PIWIL3: variants seen among roughly 807,000 people sequenced by gnomAD.
PIWIL3 encodes the protein piwi like RNA-mediated gene silencing 3, also known as piwi-like protein 3.
PIWIL3 carries 101 observed loss-of-function variants against 109.7 expected under a neutral mutation model. The observed-to-expected ratio is 0.92, with a 90% CI of 0.78 to 1.09. The LOEUF (loss-of-function observed/expected upper bound fraction) is 1.09, where lower values mean the gene tolerates loss of function less well. Among genes scored for constraint, PIWIL3 ranks in the 50% least tolerant of loss-of-function variants. PIWIL3 has a pLI of 0.00. For synonymous variants in PIWIL3, 373 were observed against 376.4 expected (o/e 0.99, Z 0.10); for missense variants, 1,031 against 1,072.6 (o/e 0.96, Z 0.54).
At chr22:24,721,069 C>G (rs1922646884) in intron 19 of PIWIL3, among the ~76,000 whole-genome samples, 1 of 152,124 alleles carries the variant, frequency 6.6e-6, no homozygotes, top group South Asian at 2.1e-4. Flanking sequence ...TTTCCTTCTT[C>G]CTGAAATACA....
At chr22:24,769,993 C>CA (rs906593829) in intron 1 of PIWIL3, among the ~76,000 whole-genome samples, 33 of 151,654 alleles carry the variant, frequency 2.2e-4, no homozygotes, top group Non-Finnish European at 3.5e-4. Context: ...AGGATAATGA[C>CA]AAAAAAAAGT....
chr22:24,744,339 G>A (rs956757744), intron 12 of PIWIL3, among the ~76,000 whole-genome samples: 22 of 151,996 alleles, frequency 1.4e-4, no homozygotes, highest in African/African-American at 4.6e-4. Flanking sequence ...TTGGGAAGCC[G>A]AGGCAGGTGA....
At chr22:24,754,648 T>A in intron 7 of PIWIL3, 136 bp downstream of exon 7, 2 of 653,308 alleles carry the variant, frequency 3.1e-6, no homozygotes, top group Non-Finnish European at 5.3e-6. Flanking sequence ...TTACACTAAA[T>A]TGTTCATGGT....
At chr22:24,770,234 C>A (rs1033714643) in intron 1 of PIWIL3, among the ~76,000 whole-genome samples, 6 of 152,324 alleles carry the variant, frequency 3.9e-5, no homozygotes, top group Admixed American at 3.9e-4. Flanking sequence ...AGACTCAAAC[C>A]CGTCAGTTTT....
chr22:24,757,079 CAAAAAAAAAA>C (rs71189275), intron 4 of PIWIL3, among the ~76,000 whole-genome samples: 1 of 91,738 alleles, frequency 1.1e-5, no homozygotes, highest in Non-Finnish European at 2.1e-5. Flanking sequence ...AACTCCGTCT[CAAAAAAAAAA>C]AAAAAAAAAA....
At chr22:24,733,742 G>T (rs1217246990) in intron 14 of PIWIL3, among the ~76,000 whole-genome samples, 1 of 151,966 alleles carries the variant, frequency 6.6e-6, no homozygotes, top group African/African-American at 2.4e-5. Flanking sequence ...AGAATAATAG[G>T]CTAGAAGATC....
At position 24,756,711 on chromosome 22, in the gene PIWIL3, A is replaced by G; in HGVS notation, c.356-6T>C. On this transcript the variant is annotated splice_region_variant and splice_polypyrimidine_tract_variant and intron_variant, in intron 4 of 20. Coordinates refer to ENST00000616349, the MANE Select transcript of PIWIL3 (RefSeq NM_001255975.1). ...TACCACTGTACCCTCTGAACCTGAAAAATGGAGCCACATGACAATAAAGAA... is the reference window on the plus strand; with the variant it reads ...TACCACTGTACCCTCTGAACCTGAAGAATGGAGCCACATGACAATAAAGAA... 4 of 1,604,894 alleles carry G rather than the reference A, an allele frequency of 2.5e-6. No individual in the cohort carries two copies. The highest frequency in any genetic ancestry group is 2.6e-6 in the Non-Finnish European group (3 of 1,172,378).
In PIWIL3 at chr22:24,724,827, C is replaced by T. The variant is rs553811158; in HGVS notation, c.2231+60G>A. 4 of 1,546,480 alleles carry T rather than the reference C, an allele frequency of 2.6e-6. No homozygotes were observed. The African/African-American group carries it at 4.1e-5, about 16-fold the overall frequency. On this transcript the variant is annotated intron_variant, in intron 18 of 20. Coordinates refer to ENST00000616349, the MANE Select transcript of PIWIL3 (RefSeq NM_001255975.1). ...GCTCAAGGGATCTGCCCACCTTAAC[C>T]TTCCAAAGTGCTGGGATTACAGGCA... is the stretch of plus-strand genomic sequence containing the variant.
chr22:24,764,533 T>C (rs1331342452), intron 1 of PIWIL3, among the ~76,000 whole-genome samples: 1 of 151,772 alleles, frequency 6.6e-6, no homozygotes, highest in East Asian at 1.9e-4. Flanking sequence ...TTTCCAGTAG[T>C]TCTTAAATAA....
At chr22:24,746,998 A>G (rs1388960920) in intron 12 of PIWIL3, among the ~76,000 whole-genome samples, 1 of 151,848 alleles carries the variant, frequency 6.6e-6, no homozygotes, top group East Asian at 1.9e-4. Context: ...TTATTTTAAA[A>G]CCAAAAGACC....
At chr22:24,761,757 G>A (rs1925451633) in intron 2 of PIWIL3, 1 of 164,622 alleles carries the variant, frequency 6.1e-6, no homozygotes, top group African/African-American at 2.4e-5. Flanking sequence ...TGGATGCTTT[G>A]TCTGTCTCGG....
At chr22:24,741,800 G>A (rs901009643) in intron 12 of PIWIL3, among the ~76,000 whole-genome samples, 6 of 152,020 alleles carry the variant, frequency 3.9e-5, no homozygotes, top group South Asian at 4.2e-4. Context: ...GCAGGTTAAC[G>A]GTGAAAAGTT....
At chr22:24,740,497 G>A (rs1405448225) in intron 12 of PIWIL3, among the ~76,000 whole-genome samples, 7 of 143,218 alleles carry the variant, frequency 4.9e-5, no homozygotes, top group African/African-American at 1.8e-4. Flanking sequence ...GCAGTGAGCT[G>A]AGATCATGCC....
chr22:24,767,140 C>T (rs1405604068), intron 1 of PIWIL3, among the ~76,000 whole-genome samples: 3 of 151,588 alleles, frequency 2.0e-5, no homozygotes, highest in Non-Finnish European at 2.9e-5. Flanking sequence ...GACTCTGTCT[C>T]AAAAAATTCT....
chr22:24,748,394 T>C (rs1214826745), intron 12 of PIWIL3, among the ~76,000 whole-genome samples: 1 of 152,054 alleles, frequency 6.6e-6, no homozygotes, highest in African/African-American at 2.4e-5. Flanking sequence ...AAGTAAAAAA[T>C]AATTTGTGTA....
chr22:24,750,501 T>A (rs1484903495), intron 9 of PIWIL3, among the ~76,000 whole-genome samples: 1 of 148,854 alleles, frequency 6.7e-6, no homozygotes, highest in Non-Finnish European at 1.5e-5. Context: ...CTTTTTTTTT[T>A]TTTTGAGATG....
At chr22:24,731,390 C>T (rs979515923) in intron 14 of PIWIL3, among the ~76,000 whole-genome samples, 3 of 152,212 alleles carry the variant, frequency 2.0e-5, no homozygotes, top group South Asian at 2.1e-4. Flanking sequence ...TGGTGGCTCA[C>T]GCCTGTTATC....
intron 1 of PIWIL3, among the ~76,000 whole-genome samples, chr22:24,773,866 C>T (rs868756099): frequency 1.2e-4 from 18 of 151,960 alleles, no homozygotes; most frequent in Admixed American, 4.6e-4. Context: ...AGGCACCCGC[C>T]ACTGCGCCCA....
intron 1 of PIWIL3, among the ~76,000 whole-genome samples, chr22:24,771,897 T>C (rs1169432056): frequency 2.0e-5 from 3 of 152,182 alleles, no homozygotes; most frequent in African/African-American, 7.2e-5. Flanking sequence ...GGTTTCACCA[T>C]GTTGGCCAGG....
Sources: gnomAD v4.1 joint callset for allele counts (sites outside exome capture counted in the v4.1 genomes callset) on GRCh38, gnomAD v4.1.1 for gene constraint, MANE v1.5 for transcripts, NCBI Gene and HGNC (gene_info 2026-07-23, HGNC 2026-07-21) for gene names.